RNF13: variants seen among roughly 807,000 people sequenced by gnomAD.
The protein encoded by RNF13 is ring finger protein 13, also known as E3 ubiquitin-protein ligase RNF13.
A neutral mutation model predicts 37.7 loss-of-function variants in RNF13; 19 were observed. That is an observed-to-expected ratio of 0.50 (90% CI 0.35 to 0.74). The LOEUF (loss-of-function observed/expected upper bound fraction) is 0.74, where lower values mean the gene tolerates loss of function less well. RNF13 is among the 30% of genes least tolerant of loss of function. The probability of loss-of-function intolerance (pLI) is 0.01; values close to 1 mark genes in which losing one functional copy is unlikely to be tolerated. For synonymous variants in RNF13, 144 were observed against 157.8 expected (o/e 0.91, Z 0.65); for missense variants, 375 against 453.0 (o/e 0.83, Z 1.56).
intron 8 of RNF13, among the ~76,000 whole-genome samples, chr3:149,928,597 A>G (rs1718877872): frequency 6.6e-6 from 1 of 152,194 alleles, no homozygotes; most frequent in Non-Finnish European, 1.5e-5. Context: ...TGAAACTGAG[A>G]ATTGTGAGTC....
rs554123269 is a variant in RNF13 at position 149,961,470 on chromosome 3, T to C, written c.*366T>C. 4.0e-4 allele frequency: 152 copies of C among 384,190 alleles called. 3 individuals are homozygous for C. Among genetic ancestry groups the C allele is most frequent in the South Asian group, 3.1e-3 (151 of 49,330 alleles). 23.8% of individuals were successfully genotyped at this position (384,190 alleles called of 1,614,324 possible). ...AGTGCTACAGCCACCTAGCATGAAC[T>C]AACCCAGCTTCCACCTCCATAAAGT... On this transcript the variant is annotated 3_prime_UTR_variant, in exon 10 of 10. Transcript: ENST00000392894.
intron 2 of RNF13, chr3:149,851,762 C>G (rs966339118): frequency 6.6e-6 from 1 of 152,176 alleles, no homozygotes; most frequent in Admixed American, 6.5e-5. Flanking sequence ...CAGGTTTCAT[C>G]CATTTCCCTT....
Position 149,879,133 on chromosome 3 carries a change from T to G in RNF13, c.321+6979T>G, listed in dbSNP as rs147706181. On this transcript the variant is annotated intron_variant, in intron 4 of 9. Coordinates refer to ENST00000392894, the MANE Select transcript of RNF13 (RefSeq NM_183381.3). ...TTCTTTTTCGTTTTGACTTTTCACC[T>G]TTTTGTGTTTTGAAAGATGGAAGAC... Among the ~76,000 whole-genome samples, 433 of 152,232 alleles carry G rather than the reference T, an allele frequency of 2.8e-3. 2 individuals carry two copies. Among genetic ancestry groups the G allele is most frequent in the African/African-American group, 1.0e-2 (414 of 41,550 alleles).
At position 149,938,017 on chromosome 3, in the gene RNF13, T is replaced by G. The variant is rs531565935; in HGVS notation, c.700+16790T>G. On this transcript the variant is annotated intron_variant, in intron 8 of 9. Coordinates refer to ENST00000392894, the MANE Select transcript of RNF13 (RefSeq NM_183381.3). ...GCCTGCTGGATCTGTACATTTCAGA[T>G]AGAGGGGTGTTGATGTCTCCAACTA... Among the ~76,000 whole-genome samples the G allele has an allele frequency of 2.0e-5, 3 of 152,198 alleles. No individual in the cohort carries two copies. The East Asian group carries it at 5.8e-4, about 29-fold the overall frequency.
intron 6 of RNF13, among the ~76,000 whole-genome samples, chr3:149,911,312 C>G (rs977418636): frequency 6.6e-6 from 1 of 152,032 alleles, no homozygotes; most frequent in East Asian, 1.9e-4. Flanking sequence ...AAGGTACTAC[C>G]ATGATTTTAC....
intron 8 of RNF13, among the ~76,000 whole-genome samples, chr3:149,928,263 A>T (rs996642551): frequency 6.6e-6 from 1 of 152,074 alleles, no homozygotes; most frequent in African/African-American, 2.4e-5. Context: ...TAAGGTCATA[A>T]AGATTTACCC....
At chr3:149,933,473 A>T (rs147182907) in intron 8 of RNF13, among the ~76,000 whole-genome samples, 10 of 152,172 alleles carry the variant, frequency 6.6e-5, no homozygotes, top group African/African-American at 2.4e-4. Context: ...CTTATTTTTC[A>T]GATTGTTTGC....
intron 6 of RNF13, among the ~76,000 whole-genome samples, chr3:149,904,612 C>G (rs1018069485): frequency 2.0e-5 from 3 of 152,098 alleles, no homozygotes; most frequent in African/African-American, 7.2e-5. Flanking sequence ...CATTTGCTTT[C>G]AGAGTTTGGC....
At chr3:149,864,619 C>T (rs1427035686) in intron 3 of RNF13, among the ~76,000 whole-genome samples, 1 of 152,318 alleles carries the variant, frequency 6.6e-6, no homozygotes, top group Admixed American at 6.5e-5. Flanking sequence ...GAGAGGCACA[C>T]ACCAGATGAC....
intron 3 of RNF13, among the ~76,000 whole-genome samples, chr3:149,854,536 C>G (rs1042292123): frequency 5.9e-5 from 9 of 152,118 alleles, no homozygotes; most frequent in African/African-American, 2.2e-4. Flanking sequence ...TAGTTTTACC[C>G]AGAAAGGGAT....
chr3:149,869,433 G>A (rs192629872), intron 3 of RNF13, among the ~76,000 whole-genome samples: 4 of 151,458 alleles, frequency 2.6e-5, no homozygotes, highest in East Asian at 3.9e-4. Flanking sequence ...GTGAAACCCC[G>A]TCTCTACTAA....
chr3:149,934,565 T>G (rs190946888), intron 8 of RNF13, among the ~76,000 whole-genome samples: 24 of 152,190 alleles, frequency 1.6e-4, no homozygotes, highest in Non-Finnish European at 2.9e-4. Context: ...CTCAAAAAAA[T>G]TTTTAGATTT....
intron 8 of RNF13, among the ~76,000 whole-genome samples, chr3:149,938,254 T>C (rs1271074273): frequency 6.6e-6 from 1 of 152,046 alleles, no homozygotes; most frequent in Non-Finnish European, 1.5e-5. Flanking sequence ...CTCAGCTCAC[T>C]GCAGCCTCTG....
chr3:149,920,032 G>A (rs1327251581), intron 7 of RNF13, among the ~76,000 whole-genome samples: 1 of 152,118 alleles, frequency 6.6e-6, no homozygotes, highest in East Asian at 1.9e-4. Context: ...GAGCTTATTT[G>A]CTGTTTGTCT....
At chr3:149,918,972 A>AACAT (rs1371118453) in intron 7 of RNF13, among the ~76,000 whole-genome samples, 3 of 152,144 alleles carry the variant, frequency 2.0e-5, no homozygotes, top group African/African-American at 7.2e-5. Flanking sequence ...TAATCCATTT[A>AACAT]ACATATATTG....
intron 3 of RNF13, among the ~76,000 whole-genome samples, chr3:149,871,294 G>A (rs1303190510): frequency 3.3e-5 from 5 of 151,276 alleles, no homozygotes; most frequent in African/African-American, 9.7e-5. Flanking sequence ...CATCTGCCTC[G>A]GCCTCCCAAA....
chr3:149,869,906 T>A (rs971782231), intron 3 of RNF13, among the ~76,000 whole-genome samples: 1 of 151,816 alleles, frequency 6.6e-6, no homozygotes. Context: ...AATGCTGCCC[T>A]TCCCAAAGGG....
intron 8 of RNF13, among the ~76,000 whole-genome samples, chr3:149,922,132 C>G (rs1718194960): frequency 6.6e-6 from 1 of 152,094 alleles, no homozygotes; most frequent in Admixed American, 6.6e-5. Flanking sequence ...TGCCACTGCA[C>G]CCAGCTAATT....
intron 3 of RNF13, among the ~76,000 whole-genome samples, chr3:149,864,824 A>G (rs1276873242): frequency 6.6e-6 from 1 of 152,198 alleles, no homozygotes; most frequent in Non-Finnish European, 1.5e-5. Context: ...AAATCTCTCC[A>G]TATCAGCTCA....
Sources: allele counts gnomAD v4.1 joint callset (sites outside exome capture counted in the v4.1 genomes callset), GRCh38; gene constraint gnomAD v4.1.1; transcripts MANE v1.5; gene names NCBI Gene and HGNC (gene_info 2026-07-23, HGNC 2026-07-21).